ANO3: variants seen among roughly 807,000 people sequenced by gnomAD.
ANO3 encodes anoctamin 3.
ANO3 carries 99 observed loss-of-function variants against 144.8 expected under a neutral mutation model. The ratio of observed to expected loss-of-function variants is 0.68; its 90% CI spans 0.58 to 0.81. ANO3 has a LOEUF of 0.81. Among genes scored for constraint, ANO3 ranks in the 30% least tolerant of loss-of-function variants. The pLI is 0.00. For missense variants in ANO3, 905 were observed against 1,202.2 expected (o/e 0.75, Z 3.66); for synonymous variants, 414 against 392.6 (o/e 1.05, Z -0.64).
intron 1 of ANO3, among the ~76,000 whole-genome samples, chr11:26,217,003 G>A (rs967544827): frequency 4.0e-5 from 6 of 151,820 alleles, no homozygotes; most frequent in Non-Finnish European, 5.9e-5. Context: ...ATTTTTCTCC[G>A]AATCTGTAGC....
At chr11:26,476,670 G>A (rs1003655975) in intron 4 of ANO3, among the ~76,000 whole-genome samples, 2 of 151,982 alleles carry the variant, frequency 1.3e-5, no homozygotes, top group Non-Finnish European at 2.9e-5. Context: ...AGGTGGGGAC[G>A]ACACTACAGT....
At chr11:26,557,333 C>T (rs986675504) in intron 13 of ANO3, among the ~76,000 whole-genome samples, 12 of 151,446 alleles carry the variant, frequency 7.9e-5, no homozygotes, top group East Asian at 3.9e-4. Context: ...TGGTGGCGGG[C>T]GCCTGTAGTC....
chr11:26,327,139 T>C (rs1191951007), upstream of ANO3, among the ~76,000 whole-genome samples: 1 of 152,178 alleles, frequency 6.6e-6, no homozygotes, highest in East Asian at 1.9e-4. Flanking sequence ...TAAAGAGTAG[T>C]TGAGGATTAT....
At chr11:26,215,514 C>T (rs922238951) in intron 1 of ANO3, among the ~76,000 whole-genome samples, 15 of 151,760 alleles carry the variant, frequency 9.9e-5, no homozygotes, top group Admixed American at 1.3e-4. Flanking sequence ...ATTGGAGGCT[C>T]AACTTGTATA....
At chr11:26,371,906 T>C (rs1289110312) in intron 1 of ANO3, among the ~76,000 whole-genome samples, 3 of 152,214 alleles carry the variant, frequency 2.0e-5, no homozygotes. Flanking sequence ...GCTTGCCTTG[T>C]ATCAGATGAT....
intron 17 of ANO3, among the ~76,000 whole-genome samples, chr11:26,622,974 T>C (rs1448410450): frequency 6.6e-6 from 1 of 152,228 alleles, no homozygotes; most frequent in East Asian, 1.9e-4. Flanking sequence ...TTGTACTCCT[T>C]GGAGACCCTG....
intron 4 of ANO3, among the ~76,000 whole-genome samples, chr11:26,463,616 A>T (rs1480715133): frequency 6.6e-6 from 1 of 151,932 alleles, no homozygotes; most frequent in African/African-American, 2.4e-5. Context: ...TGAGAAAACC[A>T]TGTAAGTGTC....
chr11:26,600,936 T>C (rs11603582), intron 17 of ANO3, among the ~76,000 whole-genome samples: 23,467 of 152,036 alleles, frequency 0.15, 2,091 homozygotes, highest in East Asian at 0.33. Context: ...CAAATATCCA[T>C]GGTTAATGGG....
At chr11:26,284,492 CATT>C (rs1164801456) in intron 1 of ANO3, among the ~76,000 whole-genome samples, 1 of 152,156 alleles carries the variant, frequency 6.6e-6, no homozygotes, top group Non-Finnish European at 1.5e-5. Flanking sequence ...TTTTTGTACT[CATT>C]ATATGTATAT....
At chr11:26,602,557 T>C (rs542765889) in intron 17 of ANO3, among the ~76,000 whole-genome samples, 4 of 151,054 alleles carry the variant, frequency 2.6e-5, no homozygotes, top group Non-Finnish European at 5.9e-5. Flanking sequence ...TGAGATCTCA[T>C]TGCTACAAAA....
At chr11:26,211,421 G>A (rs868306198) in intron 1 of ANO3, among the ~76,000 whole-genome samples, 3 of 151,540 alleles carry the variant, frequency 2.0e-5, no homozygotes, top group African/African-American at 7.3e-5. Context: ...ATCTAAAATC[G>A]ACATCCTAAC....
intron 17 of ANO3, among the ~76,000 whole-genome samples, chr11:26,600,470 C>T (rs1212572057): frequency 2.3e-5 from 1 of 43,542 alleles, no homozygotes; most frequent in Non-Finnish European, 4.5e-5. Context: ...CTTTCCTCCT[C>T]CCCTCCCCTC....
intron 1 of ANO3, among the ~76,000 whole-genome samples, chr11:26,191,632 C>T (rs1031907511): frequency 6.6e-6 from 1 of 152,156 alleles, no homozygotes; most frequent in Non-Finnish European, 1.5e-5. Context: ...TTTTCCAAAA[C>T]ATTTCAAGCC....
At chr11:26,262,719 AACACAC>A (rs144643690) in intron 1 of ANO3, among the ~76,000 whole-genome samples, 1 of 149,108 alleles carries the variant, frequency 6.7e-6, no homozygotes, top group Non-Finnish European at 1.5e-5. Flanking sequence ...CCTTATAGTA[AACACAC>A]ACACACACAC....
chr11:26,290,025 G>A (rs185908110), intron 1 of ANO3, among the ~76,000 whole-genome samples: 2 of 152,060 alleles, frequency 1.3e-5, no homozygotes, highest in African/African-American at 2.4e-5. Flanking sequence ...ATTCAGCTGC[G>A]AATCCATCTG....
chr11:26,519,583 C>G (rs1295534129), intron 6 of ANO3, among the ~76,000 whole-genome samples: 1 of 152,138 alleles, frequency 6.6e-6, no homozygotes, highest in Non-Finnish European at 1.5e-5. Flanking sequence ...CATGGTTGGG[C>G]TCTGGTGAGG....
At chr11:26,243,298 T>A (rs1852701803) in intron 1 of ANO3, among the ~76,000 whole-genome samples, 1 of 152,120 alleles carries the variant, frequency 6.6e-6, no homozygotes, top group Non-Finnish European at 1.5e-5. Context: ...TCTCTCTCAC[T>A]CTCATTCTCT....
chr11:26,636,972 G>C (rs1400006759), intron 20 of ANO3, among the ~76,000 whole-genome samples: 3 of 152,176 alleles, frequency 2.0e-5, no homozygotes. Flanking sequence ...ACAGCATCTA[G>C]TTTGGCTTGT....
At chr11:26,615,674 T>C (rs2132981430) in intron 17 of ANO3, among the ~76,000 whole-genome samples, 1 of 152,216 alleles carries the variant, frequency 6.6e-6, no homozygotes, top group South Asian at 2.1e-4. Context: ...CCTTCGATAT[T>C]TTAAGATTTC....
Sources: allele counts gnomAD v4.1 joint callset (sites outside exome capture counted in the v4.1 genomes callset), GRCh38; gene constraint gnomAD v4.1.1; transcripts MANE v1.5; gene names NCBI Gene and HGNC (gene_info 2026-07-23, HGNC 2026-07-21).